The following SLC35F2 variants were observed in gnomAD, a reference collection of about 807,000 sequenced individuals.
SLC35F2 encodes solute carrier family 35 member F2.
Under a neutral mutation model 38.1 loss-of-function variants are expected in SLC35F2, and 25 were observed. That is an observed-to-expected ratio of 0.66 (90% CI 0.48 to 0.92). The LOEUF (loss-of-function observed/expected upper bound fraction) is 0.92. Ranked by LOEUF, SLC35F2 falls within the 40% of genes least tolerant of loss-of-function variation. The pLI, the probability that SLC35F2 is intolerant of heterozygous loss-of-function variation, is 0.00. For missense variants in SLC35F2, 409 were observed against 452.9 expected, an observed-to-expected ratio of 0.90 and a Z score of 0.88; for synonymous variants, 173 against 181.7, an observed-to-expected ratio of 0.95 and a Z score of 0.38.
intron 2 of SLC35F2, among the ~76,000 whole-genome samples, chr11:107,815,235 A>G (rs201918971): frequency 2.2e-5 from 3 of 135,416 alleles, no homozygotes; most frequent in Non-Finnish European, 4.4e-5. Flanking sequence ...ATTGGGGGGG[A>G]AACCTAACTT....
chr11:107,818,072 AAAAGAAAGAAAGAAAGAAAG>A lies in SLC35F2; in HGVS notation c.111-2127_111-2108del, dbSNP rs1163903791. Among the ~76,000 whole-genome samples the A allele has an allele frequency of 7.2e-4, 49 of 68,482 alleles. 1 individual carries two copies. Among genetic ancestry groups the A allele is most frequent in the South Asian group, 2.5e-3 (4 of 1,582 alleles). 44.9% of individuals were successfully genotyped at this position (68,482 alleles called of 152,430 possible). A position where few individuals can be genotyped will look rare whatever the true frequency, so the allele number is the denominator to read the frequency against. On this transcript the variant is annotated intron_variant, in intron 1 of 7. Coordinates refer to ENST00000525815, the MANE Select transcript of SLC35F2 (RefSeq NM_017515.5). ...ACTCTGTCTCAAAAAAAAAAAAAAA[AAAAGAAAGAAAGAAAGAAAG>A]AAAGAAAGAAAGAAAGAAAGAAAGA...
chr11:107,807,690 C>T (rs1859419942), intron 3 of SLC35F2, among the ~76,000 whole-genome samples: 1 of 152,006 alleles, frequency 6.6e-6, no homozygotes, highest in Admixed American at 6.6e-5. Context: ...CTTCCTGCCT[C>T]AGCCTCCCAA....
At chr11:107,850,820 A>C (rs192703978) in intron 1 of SLC35F2, among the ~76,000 whole-genome samples, 1 of 152,116 alleles carries the variant, frequency 6.6e-6, no homozygotes, top group East Asian at 1.9e-4. Context: ...TCTCCAAAAA[A>C]AAAAAAAAGA....
chr11:107,816,369 C>T, intron 1 of SLC35F2: 3 of 805,094 alleles, frequency 3.7e-6, no homozygotes, highest in Non-Finnish European at 4.5e-6. Flanking sequence ...GCAGCCTTGA[C>T]CTCCCAGACT....
At chr11:107,798,184 AAT>A (rs1308649950) in intron 7 of SLC35F2, among the ~76,000 whole-genome samples, 1 of 151,798 alleles carries the variant, frequency 6.6e-6, no homozygotes, top group East Asian at 1.9e-4. Context: ...TTGTATTTTT[AAT>A]AGAGATGGGG....
intron 6 of SLC35F2, among the ~76,000 whole-genome samples, chr11:107,804,258 T>C (rs535343102): frequency 6.6e-6 from 1 of 152,204 alleles, no homozygotes; most frequent in Non-Finnish European, 1.5e-5. Context: ...CTTTTCTGAC[T>C]GTCCCATCAC....
chr11:107,810,138 C>T, intron 3 of SLC35F2: 1 of 985,454 alleles, frequency 1.0e-6, no homozygotes, highest in Non-Finnish European at 1.2e-6. Context: ...TGAATCATTC[C>T]TATCACAGCT....
intron 1 of SLC35F2, among the ~76,000 whole-genome samples, chr11:107,856,898 A>AGGAAGGGAGGGAG (rs1860294945): frequency 1.7e-5 from 1 of 57,580 alleles, no homozygotes; most frequent in Non-Finnish European, 3.1e-5. Context: ...GAGGGAGGGA[A>AGGAAGGGAGGGAG]GGAAGGAAGG....
At chr11:107,797,575 G>GA (rs1479273455) in intron 7 of SLC35F2, among the ~76,000 whole-genome samples, 8 of 151,906 alleles carry the variant, frequency 5.3e-5, no homozygotes, top group Non-Finnish European at 1.0e-4. Context: ...AAAGGTAAAA[G>GA]AAAAAACTAA....
At chr11:107,810,574 T>C in intron 3 of SLC35F2, 1 of 985,368 alleles carries the variant, frequency 1.0e-6, no homozygotes, top group Non-Finnish European at 1.2e-6. Flanking sequence ...AGGTAACTGC[T>C]GGGTTTAATT....
chr11:107,810,036 T>A, intron 3 of SLC35F2: 1 of 985,394 alleles, frequency 1.0e-6, no homozygotes, highest in Non-Finnish European at 1.2e-6. Context: ...TTCTAAGGAA[T>A]CCTTAAGAAG....
chr11:107,833,701 C>A (rs1350178567), intron 1 of SLC35F2, among the ~76,000 whole-genome samples: 1 of 152,088 alleles, frequency 6.6e-6, no homozygotes, highest in African/African-American at 2.4e-5. Context: ...AGAGAAAACG[C>A]CACACTCTGA....
chr11:107,809,031 A>C (rs1859440566), intron 3 of SLC35F2, among the ~76,000 whole-genome samples: 1 of 152,208 alleles, frequency 6.6e-6, no homozygotes, highest in African/African-American at 2.4e-5. Context: ...CCCCACGCTG[A>C]CCAGCTAGCT....
chr11:107,840,012 A>G (rs1445305915), intron 1 of SLC35F2, among the ~76,000 whole-genome samples: 1 of 152,102 alleles, frequency 6.6e-6, no homozygotes, highest in East Asian at 1.9e-4. Context: ...ACTTAAGTCT[A>G]TTGCCTAGAT....
At chr11:107,840,073 T>C (rs1054434522) in intron 1 of SLC35F2, among the ~76,000 whole-genome samples, 2 of 152,074 alleles carry the variant, frequency 1.3e-5, no homozygotes, top group Non-Finnish European at 2.9e-5. Context: ...GTGGGCAATA[T>C]ATGGAGTATG....
chr11:107,845,551 A>G (rs571770901), intron 1 of SLC35F2, among the ~76,000 whole-genome samples: 1 of 152,216 alleles, frequency 6.6e-6, no homozygotes, highest in African/African-American at 2.4e-5. Flanking sequence ...AGAAATGACT[A>G]GAAAGAAGTT....
At chr11:107,810,367 G>A (rs1414841169) in intron 3 of SLC35F2, 4 of 984,654 alleles carry the variant, frequency 4.1e-6, no homozygotes, top group Admixed American at 6.3e-5. Flanking sequence ...CTGTGTTTAG[G>A]CCTTGCACCA....
intron 1 of SLC35F2, among the ~76,000 whole-genome samples, chr11:107,829,941 A>C (rs1859810062): frequency 6.6e-6 from 1 of 152,128 alleles, no homozygotes; most frequent in African/African-American, 2.4e-5. Context: ...AAAATTTCAA[A>C]TAAAATTTAT....
intron 1 of SLC35F2, among the ~76,000 whole-genome samples, chr11:107,851,947 C>T (rs1334114917): frequency 6.6e-6 from 1 of 152,194 alleles, no homozygotes; most frequent in African/African-American, 2.4e-5. Flanking sequence ...GGGATTTATG[C>T]TGCATACACA....
Sources: allele counts gnomAD v4.1 joint callset (sites outside exome capture counted in the v4.1 genomes callset), GRCh38; gene constraint gnomAD v4.1.1; transcripts MANE v1.5; gene names NCBI Gene and HGNC (gene_info 2026-07-23, HGNC 2026-07-21).